Variants in DLG2 observed in about 807,000 individuals in gnomAD.
The protein encoded by DLG2 is disks large homolog 2.
DLG2 carries 45 observed loss-of-function variants against 132.5 expected under a neutral mutation model. The observed-to-expected ratio is 0.34, with a 90% CI of 0.27 to 0.44. The LOEUF (loss-of-function observed/expected upper bound fraction) is 0.44. Ranked by LOEUF, DLG2 falls within the 20% of genes least tolerant of loss-of-function variation. The pLI, the probability that DLG2 is intolerant of heterozygous loss-of-function variation, is 1.00. For synonymous variants in DLG2, 424 were observed against 419.6 expected, an observed-to-expected ratio of 1.01 and a Z score of -0.13; for missense variants, 1,045 against 1,196.9, an observed-to-expected ratio of 0.87 and a Z score of 1.87.
intron 3 of DLG2, among the ~76,000 whole-genome samples, chr11:85,479,176 T>C (rs1190609400): frequency 6.6e-6 from 1 of 152,228 alleles, no homozygotes; most frequent in Admixed American, 6.5e-5. Flanking sequence ...TGGGCTACTA[T>C]ACCAAAATAT....
chr11:84,971,656 T>C (rs943654646), intron 6 of DLG2, among the ~76,000 whole-genome samples: 12 of 152,008 alleles, frequency 7.9e-5, no homozygotes, highest in South Asian at 2.1e-4. Context: ...CCTGGATAAC[T>C]TTTTTTTCAA....
chr11:84,016,004 G>A (rs2095161117), intron 11 of DLG2, among the ~76,000 whole-genome samples: 2 of 152,120 alleles, frequency 1.3e-5, no homozygotes, highest in Middle Eastern at 3.2e-3. Flanking sequence ...CACCAACAGT[G>A]TAAAAGCATT....
chr11:83,765,507 G>A (rs895636682), intron 18 of DLG2, among the ~76,000 whole-genome samples: 7 of 152,140 alleles, frequency 4.6e-5, no homozygotes, highest in African/African-American at 1.7e-4. Flanking sequence ...TTTGATTTGG[G>A]GTTGGCGTTT....
At chr11:83,584,650 T>C (rs1316977837) in intron 19 of DLG2, among the ~76,000 whole-genome samples, 1 of 152,122 alleles carries the variant, frequency 6.6e-6, no homozygotes, top group African/African-American at 2.4e-5. Flanking sequence ...TTAGAGATAA[T>C]AGAAATGAAA....
intron 6 of DLG2, among the ~76,000 whole-genome samples, chr11:84,948,253 TTC>T (rs1171089953): frequency 6.6e-6 from 1 of 152,230 alleles, no homozygotes; most frequent in African/African-American, 2.4e-5. Flanking sequence ...ATTTTCCTTT[TTC>T]TCTCTCTGTT....
At chr11:83,832,932 G>A (rs1030703768) in intron 17 of DLG2, among the ~76,000 whole-genome samples, 1 of 152,032 alleles carries the variant, frequency 6.6e-6, no homozygotes, top group African/African-American at 2.4e-5. Flanking sequence ...ACATTATAAA[G>A]GTACAGTGTT....
At chr11:84,278,420 T>G (rs192276630) in intron 7 of DLG2, among the ~76,000 whole-genome samples, 1 of 152,030 alleles carries the variant, frequency 6.6e-6, no homozygotes, top group African/African-American at 2.4e-5. Context: ...ATAATAACGA[T>G]TCTACACAAA....
At chr11:83,784,925 G>A (rs1408965430) in intron 18 of DLG2, among the ~76,000 whole-genome samples, 1 of 152,140 alleles carries the variant, frequency 6.6e-6, no homozygotes, top group African/African-American at 2.4e-5. Flanking sequence ...AGGACATACA[G>A]TTTGAGACTG....
At chr11:84,913,853 A>C (rs954330522) in intron 6 of DLG2, among the ~76,000 whole-genome samples, 5 of 152,170 alleles carry the variant, frequency 3.3e-5, no homozygotes, top group African/African-American at 1.2e-4. Context: ...TTTCCTAACG[A>C]GTCTGAAAAA....
intron 6 of DLG2, among the ~76,000 whole-genome samples, chr11:84,758,795 C>T (rs4306309): frequency 1 from 152,103 of 152,358 alleles, 75,932 homozygotes; most frequent in Middle Eastern, 1. Flanking sequence ...TAGAAGGTAA[C>T]GTAGATTCAC....
chr11:85,251,503 T>C (rs2076393807), intron 4 of DLG2, among the ~76,000 whole-genome samples: 1 of 152,172 alleles, frequency 6.6e-6, no homozygotes, highest in Non-Finnish European at 1.5e-5. Context: ...AAAAACTTGA[T>C]ACAGATTTTT....
chr11:84,364,559 T>C (rs1356469296), intron 7 of DLG2, among the ~76,000 whole-genome samples: 5 of 151,950 alleles, frequency 3.3e-5, no homozygotes, highest in Non-Finnish European at 7.4e-5. Flanking sequence ...CGAATAGGAG[T>C]GGTGAGAGAG....
At chr11:83,547,756 G>C (rs939563941) in intron 19 of DLG2, among the ~76,000 whole-genome samples, 1 of 152,148 alleles carries the variant, frequency 6.6e-6, no homozygotes, top group Non-Finnish European at 1.5e-5. Flanking sequence ...TAATAAATTT[G>C]TGTTGTTTTA....
chr11:84,069,209 CA>C (rs950248528), intron 10 of DLG2, among the ~76,000 whole-genome samples: 10 of 152,296 alleles, frequency 6.6e-5, no homozygotes, highest in Admixed American at 5.9e-4. Flanking sequence ...GACCATACTC[CA>C]AAAACCACTG....
At chr11:84,005,180 G>A (rs2094523648) in intron 11 of DLG2, among the ~76,000 whole-genome samples, 1 of 151,796 alleles carries the variant, frequency 6.6e-6, no homozygotes, top group Admixed American at 6.6e-5. Context: ...GAATAGAGAA[G>A]TCAGAAATAC....
intron 3 of DLG2, among the ~76,000 whole-genome samples, chr11:85,466,947 G>A (rs563547352): frequency 1.3e-5 from 2 of 152,240 alleles, no homozygotes; most frequent in Admixed American, 6.5e-5. Flanking sequence ...CATGAGCATG[G>A]AATGTTCTTC....
At chr11:84,687,690 C>T (rs1252209635) in intron 6 of DLG2, among the ~76,000 whole-genome samples, 1 of 152,142 alleles carries the variant, frequency 6.6e-6, no homozygotes, top group East Asian at 1.9e-4. Flanking sequence ...TGACTAACAT[C>T]ACCTTCTTTC....
intron 11 of DLG2, among the ~76,000 whole-genome samples, chr11:84,052,605 T>A (rs2096411749): frequency 6.7e-6 from 1 of 148,792 alleles, no homozygotes; most frequent in Admixed American, 6.8e-5. Context: ...AAGCTCAACG[T>A]CACTGATCAT....
At position 85,484,757 on chromosome 11, in the gene DLG2, C is replaced by G. The variant is rs1192750445; in HGVS notation, c.40+113900G>C. Among the ~76,000 whole-genome samples, 4 of 149,616 alleles carry G rather than the reference C, an allele frequency of 2.7e-5. No individual in the cohort carries two copies. In the East Asian group the frequency reaches 5.9e-4, roughly 22 times the overall value. ...GAACACTTTTACACTGTTGGTGGGA[C>G]TGTAAACTAGTTCAACCATTGTGGA... On this transcript the variant is annotated intron_variant, in intron 3 of 27. Coordinates refer to ENST00000376104, the MANE Select transcript of DLG2 (RefSeq NM_001142699.3).
Sources: allele counts gnomAD v4.1 joint callset (sites outside exome capture counted in the v4.1 genomes callset), GRCh38; gene constraint gnomAD v4.1.1; transcripts MANE v1.5; gene names NCBI Gene and HGNC (gene_info 2026-07-23, HGNC 2026-07-21).